Variants in MAP1LC3B2 observed in about 807,000 individuals in gnomAD.
MAP1LC3B2 encodes the protein microtubule associated protein 1 light chain 3 beta 2.
For missense variants in MAP1LC3B2, 155 were observed against 154.6 expected (o/e 1.00, Z -0.01); for synonymous variants, 62 against 57.8 (o/e 1.07, Z -0.33).
At chr12:116,565,681 A>G (rs897032014) in intron 1 of MAP1LC3B2, among the ~76,000 whole-genome samples, 3 of 152,210 alleles carry the variant, frequency 2.0e-5, no homozygotes, top group African/African-American at 4.8e-5. Context: ...GGGAGGAGAT[A>G]TATGGTCTAG....
chr12:116,561,556 G>C (rs1057278164), intron 1 of MAP1LC3B2, among the ~76,000 whole-genome samples: 4 of 152,220 alleles, frequency 2.6e-5, no homozygotes, highest in Non-Finnish European at 5.9e-5. Context: ...CAGGAAGCAG[G>C]ATGGGGCCTT....
intron 1 of MAP1LC3B2, among the ~76,000 whole-genome samples, 158 bp downstream of exon 1, chr12:116,559,591 T>G (rs1869198198): frequency 6.6e-6 from 1 of 152,186 alleles, no homozygotes; most frequent in Non-Finnish European, 1.5e-5. Context: ...CTTTCACTAG[T>G]CAGACCTGTG....
At chr12:116,561,105 C>T (rs558981162) in intron 1 of MAP1LC3B2, among the ~76,000 whole-genome samples, 4 of 151,948 alleles carry the variant, frequency 2.6e-5, no homozygotes, top group East Asian at 1.9e-4. Context: ...CAACAGAGCA[C>T]GACTCCATCT....
intron 1 of MAP1LC3B2, among the ~76,000 whole-genome samples, chr12:116,570,516 C>T (rs1387336316): frequency 6.6e-6 from 1 of 152,128 alleles, no homozygotes; most frequent in Admixed American, 6.5e-5. Flanking sequence ...TGGGGGAACT[C>T]AATGGGAGGT....
intron 1 of MAP1LC3B2, among the ~76,000 whole-genome samples, chr12:116,563,913 T>C (rs867694475): frequency 6.6e-6 from 1 of 152,130 alleles, no homozygotes; most frequent in Non-Finnish European, 1.5e-5. Context: ...TAGTAAATTA[T>C]TATTTTATTT....
chr12:116,567,470 A>G (rs1869418563), intron 1 of MAP1LC3B2, among the ~76,000 whole-genome samples: 3 of 122,376 alleles, frequency 2.5e-5, no homozygotes, highest in Admixed American at 1.8e-4. Context: ...TTTTTTGGCC[A>G]GGCACGGTGG....
At chr12:116,571,874 CT>C (rs1389432784) in intron 1 of MAP1LC3B2, among the ~76,000 whole-genome samples, 1 of 151,112 alleles carries the variant, frequency 6.6e-6, no homozygotes, top group African/African-American at 2.4e-5. Flanking sequence ...CGCGAAGTTC[CT>C]GCTTAAAGCA....
chr12:116,574,034 T>A (rs1048172750), intron 1 of MAP1LC3B2, among the ~76,000 whole-genome samples: 3 of 152,048 alleles, frequency 2.0e-5, no homozygotes, highest in Non-Finnish European at 4.4e-5. Flanking sequence ...CATCCAGAGC[T>A]CGTGAGGGTG....
At position 116,576,054 on chromosome 12, in the gene MAP1LC3B2, T is replaced by C. The variant is rs200048902; in HGVS notation, c.112T>C (p.Tyr38His). 165 of 1,614,226 alleles carry C rather than the reference T, an allele frequency of 1.0e-4. 1 individual carries two copies. In the East Asian group the frequency reaches 3.5e-3, roughly 35 times the overall value. ...CAAAATCCCGGTGATAATAGAACGA[T>C]ACAAGGGTGAGAAGCAGCTTCCTGT... ...PTKIPVIIER[Y>H]KGEKQLPVLD... is the part of the protein sequence containing the mutation. Residue 38 changes from tyrosine (Y) to histidine (H), a missense_variant, in exon 2 of 2, where the codon TAC (tyrosine) becomes CAC (histidine). Coordinates refer to ENST00000556529, the MANE Select transcript of MAP1LC3B2 (RefSeq NM_001085481.3).
At chr12:116,571,478 TTTTTTTTTTTTTTTTTTTTTG>T in intron 1 of MAP1LC3B2, among the ~76,000 whole-genome samples, 1 of 118,686 alleles carries the variant, frequency 8.4e-6, no homozygotes, top group Non-Finnish European at 1.7e-5. Context: ...TTTTTTTTTT[TTTTTTTTTTTTTTTTTTTTTG>T]AGACGGAGTC....
chr12:116,562,149 G>A (rs1240691150), intron 1 of MAP1LC3B2, among the ~76,000 whole-genome samples: 1 of 152,202 alleles, frequency 6.6e-6, no homozygotes, highest in Non-Finnish European at 1.5e-5. Flanking sequence ...GGTGGGATAT[G>A]AGCGTGGAGC....
chr12:116,567,781 T>G (rs1193582084), intron 1 of MAP1LC3B2, among the ~76,000 whole-genome samples: 1 of 151,742 alleles, frequency 6.6e-6, no homozygotes, highest in Non-Finnish European at 1.5e-5. Flanking sequence ...TATATATATG[T>G]AAACCCTCTA....
intron 1 of MAP1LC3B2, chr12:116,559,920 T>A (rs183223685): frequency 6.6e-6 from 1 of 151,928 alleles, no homozygotes; most frequent in Non-Finnish European, 1.5e-5. Context: ...CCAGTTTTGC[T>A]GAGTCAGAAG....
intron 1 of MAP1LC3B2, among the ~76,000 whole-genome samples, chr12:116,564,366 C>G (rs1869339141): frequency 6.6e-6 from 1 of 150,888 alleles, no homozygotes; most frequent in Admixed American, 6.6e-5. Context: ...TTTTGGGAGG[C>G]AATTGAGTTA....
intron 1 of MAP1LC3B2, chr12:116,560,190 ATAT>A (rs1566022520): frequency 0.024 from 19 of 808 alleles, no homozygotes; most frequent in African/African-American, 0.041. Flanking sequence ...AAGTTTGGCT[ATAT>A]ATATATATAT....
chr12:116,567,987 C>T (rs1272996942), intron 1 of MAP1LC3B2, among the ~76,000 whole-genome samples: 1 of 152,124 alleles, frequency 6.6e-6, no homozygotes, highest in African/African-American at 2.4e-5. Flanking sequence ...CAGCACAATG[C>T]CTGATCTGCA....
intron 1 of MAP1LC3B2, among the ~76,000 whole-genome samples, chr12:116,566,826 G>T (rs1255167706): frequency 6.7e-6 from 1 of 148,724 alleles, no homozygotes; most frequent in Non-Finnish European, 1.5e-5. Flanking sequence ...AGCTACTCAG[G>T]AGGCGGAGGC....
In MAP1LC3B2 at chr12:116,576,295, C is replaced by T. The variant is rs200480680; in HGVS notation, c.353C>T (p.Thr118Met). The change falls in exon 2 of 2, where the codon ACG (threonine) becomes ATG (methionine). Residue 118 changes from threonine to methionine, a missense_variant. Coordinates refer to ENST00000556529, the MANE Select transcript of MAP1LC3B2 (RefSeq NM_001085481.3). ...FLYMVCASQE[T>M]FGMKLSV is the part of the protein sequence containing the mutation. ...TACATGGTCTGTGCCTCCCAGGAGA[C>T]GTTCGGGATGAAATTGTCAGTGTAA... is the stretch of plus-strand genomic sequence containing the variant. 2.8e-5 allele frequency: 45 copies of T among 1,613,804 alleles called. No homozygotes were observed. Among genetic ancestry groups the T allele is most frequent in the Non-Finnish European group, 3.5e-5 (41 of 1,180,008 alleles).
chr12:116,560,110 G>A (rs1208388911), intron 1 of MAP1LC3B2: 6 of 147,212 alleles, frequency 4.1e-5, no homozygotes, highest in African/African-American at 7.5e-5. Flanking sequence ...CTCACTAACC[G>A]ATCCAAGCTG....
Sources: gnomAD v4.1 joint callset for allele counts (sites outside exome capture counted in the v4.1 genomes callset) on GRCh38, gnomAD v4.1.1 for gene constraint, MANE v1.5 for transcripts, NCBI Gene and HGNC (gene_info 2026-07-23, HGNC 2026-07-21) for gene names.